Variants in PPARD observed in about 807,000 individuals in gnomAD.
The protein encoded by PPARD is peroxisome proliferator activated receptor delta, also known as peroxisome proliferator-activated receptor delta.
In PPARD, 6 loss-of-function variants were observed where a neutral mutation model predicts 39.5. That is an observed-to-expected ratio of 0.15 (90% CI 0.08 to 0.30). The LOEUF is 0.30. Among genes scored for constraint, PPARD ranks in the 10% least tolerant of loss-of-function variants. PPARD has a pLI of 1.00. For missense variants in PPARD, 397 were observed against 596.8 expected, an observed-to-expected ratio of 0.67 and a Z score of 3.49; for synonymous variants, 210 against 231.3, an observed-to-expected ratio of 0.91 and a Z score of 0.83.
At chr6:35,410,031 G>C (rs1490519659) in intron 2 of PPARD, among the ~76,000 whole-genome samples, 5 of 152,196 alleles carry the variant, frequency 3.3e-5, no homozygotes, top group Admixed American at 2.0e-4. Flanking sequence ...TCTGATGAGT[G>C]GGTAGACAGG....
chr6:35,352,415 A>G (rs934755588), intron 2 of PPARD, among the ~76,000 whole-genome samples: 1 of 150,910 alleles, frequency 6.6e-6, no homozygotes, highest in Admixed American at 6.6e-5. Flanking sequence ...CGAACTCCTG[A>G]CCTCATGATC....
chr6:35,410,756 C>G (rs1032878560), intron 2 of PPARD, among the ~76,000 whole-genome samples: 2 of 152,276 alleles, frequency 1.3e-5, no homozygotes, highest in African/African-American at 4.8e-5. Flanking sequence ...GTTTATGGAG[C>G]CTGCTCCGAA....
In PPARD at chr6:35,420,133, C is replaced by T. The variant is rs779242348; in HGVS notation, c.137C>T (p.Ser46Phe). The T allele has an allele frequency of 9.3e-6, 15 of 1,612,750 alleles. No homozygotes were observed. The highest frequency in any genetic ancestry group is 1.3e-5 in the Non-Finnish European group (15 of 1,179,820). Residue 46 changes from serine to phenylalanine, a missense_variant, in exon 4 of 8, where the codon TCC becomes TTC. Transcript: ENST00000360694. Reference sequence around the variant, plus strand: ...CTCCATCGTGTGTCCGCAGACCTCTCCCGGAGCTCCTCGCCACCCTCACTG... The same window carrying T: ...CTCCATCGTGTGTCCGCAGACCTCTTCCGGAGCTCCTCGCCACCCTCACTG... ...ALPSSSYTDL[S>F]RSSSPPSLLD...
At chr6:35,388,775 A>G (rs1487804355) in intron 2 of PPARD, among the ~76,000 whole-genome samples, 1 of 152,102 alleles carries the variant, frequency 6.6e-6, no homozygotes, top group African/African-American at 2.4e-5. Context: ...TTCAGGCAGG[A>G]GAGCAGCATA....
At chr6:35,377,012 T>C (rs2150567856) in intron 2 of PPARD, among the ~76,000 whole-genome samples, 1 of 141,270 alleles carries the variant, frequency 7.1e-6, no homozygotes, top group African/African-American at 2.6e-5. Context: ...AGAGTGAGAC[T>C]CTGTCTCAAA....
At chr6:35,413,036 G>A (rs558651164) in intron 3 of PPARD, among the ~76,000 whole-genome samples, 15 of 152,334 alleles carry the variant, frequency 9.8e-5, no homozygotes, top group South Asian at 6.2e-4. Context: ...TGGCTATGCC[G>A]CCTGCCGTGG....
intron 2 of PPARD, among the ~76,000 whole-genome samples, chr6:35,391,985 G>A (rs531713114): frequency 6.6e-6 from 1 of 152,126 alleles, no homozygotes; most frequent in African/African-American, 2.4e-5. Context: ...TGACCACTCA[G>A]ATGTTGTGCT....
rs910781735 is a variant in PPARD, at chr6:35,389,559, C to T, written c.-101-21428C>T. Among the ~76,000 whole-genome samples, 112 of 152,104 alleles carry T rather than the reference C, an allele frequency of 7.4e-4. 1 individual carries two copies. The highest frequency in any genetic ancestry group is 2.5e-3 in the African/African-American group (105 of 41,492). On this transcript the variant is annotated intron_variant, in intron 2 of 7. Coordinates refer to ENST00000360694, the MANE Select transcript of PPARD (RefSeq NM_006238.5). ...AACTCCTGACCCCAGGTGATCCGCCCGCCTCGGCCTTCCAAAGTGCTAGGA... is the reference window on the plus strand; with the variant it reads ...AACTCCTGACCCCAGGTGATCCGCCTGCCTCGGCCTTCCAAAGTGCTAGGA...
At chr6:35,358,959 G>A (rs1177381777) in intron 2 of PPARD, among the ~76,000 whole-genome samples, 1 of 152,186 alleles carries the variant, frequency 6.6e-6, no homozygotes, top group African/African-American at 2.4e-5. Flanking sequence ...GGCTTCAGAT[G>A]CTCTCTAGAA....
intron 2 of PPARD, among the ~76,000 whole-genome samples, chr6:35,377,871 C>CTTTTTTTTTTTTTTTTTTT (rs540687692): frequency 0.02 from 2,414 of 119,864 alleles, 272 homozygotes; most frequent in African/African-American, 0.069. Context: ...GTTTACGTAT[C>CTTTTTTTTTTTTTTTTTTT]TTTTTTTTTT....
chr6:35,371,042 C>T (rs534451123), intron 2 of PPARD, among the ~76,000 whole-genome samples: 1 of 152,338 alleles, frequency 6.6e-6, no homozygotes, highest in South Asian at 2.1e-4. Flanking sequence ...GTAACTTGGC[C>T]AAGCTCTCAA....
Position 35,424,157 on chromosome 6 carries a change from T to C in PPARD, c.627+9T>C. 6.2e-7 allele frequency: 1 copy of C among 1,611,700 alleles called. No homozygotes were observed. The highest frequency in any genetic ancestry group is 8.5e-7 in the Non-Finnish European group (1 of 1,179,926). ...AAGCCAGCCACACGGCGGTGAGTGT[T>C]GCTGCTGCTTGGCCTGGCAGCATCC... On this transcript the variant is annotated intron_variant, in intron 6 of 7. Coordinates refer to ENST00000360694, the MANE Select transcript of PPARD (RefSeq NM_006238.5). This position sits in a 1 kb window ranked among gnomAD's most constrained non-coding sequence, Gnocchi z 7.1.
At chr6:35,344,156 A>G (rs762608527) in intron 1 of PPARD, among the ~76,000 whole-genome samples, 4 of 151,984 alleles carry the variant, frequency 2.6e-5, no homozygotes, top group Non-Finnish European at 4.4e-5. Flanking sequence ...GTCACTGAAC[A>G]TGTTCTCTTG....
chr6:35,404,953 T>TTGTGTGTG (rs59359748), intron 2 of PPARD, among the ~76,000 whole-genome samples: 2,927 of 142,176 alleles, frequency 0.021, 80 homozygotes, highest in African/African-American at 0.055. Context: ...ACTGCAGGCT[T>TTGTGTGTG]TGTGTGTGTG....
chr6:35,399,412 A>G (rs1323433193), intron 2 of PPARD, among the ~76,000 whole-genome samples: 1 of 151,468 alleles, frequency 6.6e-6, no homozygotes. Flanking sequence ...AAAAAAAAAA[A>G]AAAAAAACAA....
chr6:35,399,888 C>G (rs1272913223), intron 2 of PPARD, among the ~76,000 whole-genome samples: 3 of 152,048 alleles, frequency 2.0e-5, no homozygotes, highest in Non-Finnish European at 4.4e-5. Context: ...TGGGTGTGCC[C>G]TAATATATTT....
At chr6:35,376,636 G>A (rs1342090953) in intron 2 of PPARD, among the ~76,000 whole-genome samples, 1 of 152,126 alleles carries the variant, frequency 6.6e-6, no homozygotes, top group South Asian at 2.1e-4. Context: ...CTCAGTTTTT[G>A]TTCACTGCTT....
intron 2 of PPARD, among the ~76,000 whole-genome samples, chr6:35,361,055 T>C (rs1217629180): frequency 6.6e-6 from 1 of 152,220 alleles, no homozygotes; most frequent in African/African-American, 2.4e-5. Context: ...TTCTCATTTC[T>C]TTGGCTTCTC....
chr6:35,380,469 TTTG>T (rs1416011435), intron 2 of PPARD, among the ~76,000 whole-genome samples: 1,473 of 102,692 alleles, frequency 0.014, 60 homozygotes, highest in African/African-American at 0.12. Context: ...GTTTTTTTTT[TTTG>T]TTTGTTTTTT....
Sources: allele counts gnomAD v4.1 joint callset (sites outside exome capture counted in the v4.1 genomes callset), GRCh38; gene constraint gnomAD v4.1.1; non-coding constraint Gnocchi (gnomAD v3.1); transcripts MANE v1.5; gene names NCBI Gene and HGNC (gene_info 2026-07-23, HGNC 2026-07-21).